AOAH: variants seen among roughly 807,000 people sequenced by gnomAD.
AOAH encodes the protein acyloxyacyl hydrolase.
Under a neutral mutation model 92.2 loss-of-function variants are expected in AOAH, and 64 were observed. That is an observed-to-expected ratio of 0.69 (90% CI 0.57 to 0.86). AOAH has a LOEUF of 0.86. AOAH is among the 40% of genes least tolerant of loss of function. The probability of loss-of-function intolerance (pLI) is 0.00; values close to 1 mark genes in which losing one functional copy is unlikely to be tolerated. For synonymous variants in AOAH, 263 were observed against 254.5 expected, an observed-to-expected ratio of 1.03 and a Z score of -0.32; for missense variants, 656 against 694.6, an observed-to-expected ratio of 0.94 and a Z score of 0.62.
intron 6 of AOAH, among the ~76,000 whole-genome samples, chr7:36,623,464 T>G (rs975527355): frequency 1.3e-5 from 2 of 152,208 alleles, no homozygotes; most frequent in African/African-American, 2.4e-5. Context: ...GTTTTCTGTC[T>G]GATATTAACT....
chr7:36,686,400 A>G (rs1385276251), intron 2 of AOAH, among the ~76,000 whole-genome samples: 1 of 152,236 alleles, frequency 6.6e-6, no homozygotes, highest in Non-Finnish European at 1.5e-5. Context: ...ATGATCAGTA[A>G]GTAGGCAAAT....
intron 6 of AOAH, among the ~76,000 whole-genome samples, chr7:36,627,731 G>A (rs1440220203): frequency 5.3e-5 from 8 of 152,022 alleles, no homozygotes; most frequent in African/African-American, 1.7e-4. Context: ...CTGGCCACAC[G>A]ACATTCTATT....
At chr7:36,598,130 G>A (rs536839323) in intron 11 of AOAH, 45 of 152,232 alleles carry the variant, frequency 3.0e-4, no homozygotes, top group African/African-American at 9.2e-4. Flanking sequence ...AGTTCTCTGT[G>A]GATTAATCTG....
At chr7:36,701,633 T>C (rs1000408530) in intron 1 of AOAH, among the ~76,000 whole-genome samples, 3 of 151,898 alleles carry the variant, frequency 2.0e-5, no homozygotes, top group Admixed American at 2.0e-4. Flanking sequence ...TTACAGTTAC[T>C]ATTTTTATGA....
intron 15 of AOAH, among the ~76,000 whole-genome samples, chr7:36,544,436 T>C (rs1416021972): frequency 6.6e-6 from 1 of 152,082 alleles, no homozygotes; most frequent in Non-Finnish European, 1.5e-5. Context: ...TCAACCCAGG[T>C]GTCCCAGGCA....
Position 36,614,278 on chromosome 7 carries a change from G to A in AOAH, c.846+2102C>T, listed in dbSNP as rs1209418728. 6.6e-6 allele frequency among the ~76,000 whole-genome samples: 1 copy of A among 152,174 alleles called. No individual in the cohort carries two copies. Among genetic ancestry groups the A allele is most frequent in the East Asian group, 1.9e-4 (1 of 5,190 alleles). On this transcript the variant is annotated intron_variant, in intron 11 of 20. Transcript: ENST00000617537. The surrounding 1 kb of genome is among the most constrained non-coding windows in gnomAD (Gnocchi z 4.2). ...TGTTGTTTGATAGGTCCATCCAGAA[G>A]TAATGGCTGTGAGCTGCTATTCCCT...
rs59648829 is a variant in AOAH at position 36,596,097 on chromosome 7, C to T, written c.847-1667G>A. Reference sequence around the variant, plus strand: ...AGTATGTCATTGTTCTTTCTTATTGCAAGGTAGTACATGGGTTTGTTTTAG... The same window carrying T: ...AGTATGTCATTGTTCTTTCTTATTGTAAGGTAGTACATGGGTTTGTTTTAG... On this transcript the variant is annotated intron_variant, in intron 11 of 20. Transcript: ENST00000617537. Among the ~76,000 whole-genome samples, 1,177 of 152,138 alleles carry T rather than the reference C, an allele frequency of 7.7e-3. 18 individuals carry two copies. The highest frequency in any genetic ancestry group is 0.026 in the African/African-American group (1,084 of 41,462).
Position 36,686,697 on chromosome 7 carries a change from AC to A in AOAH, c.223+1del. 1 of 1,518,792 alleles carries A rather than the reference AC, an allele frequency of 6.6e-7. No individual in the cohort carries two copies. The highest frequency in any genetic ancestry group is 8.8e-7 in the Non-Finnish European group (1 of 1,131,320). 94.1% of individuals were successfully genotyped at this position (1,518,792 alleles called of 1,614,324 possible). Reference sequence around the variant, plus strand: ...CAGCAGTATGACTCGTCCCATATTTACCAGGCAGGTAGCTGCACAGTCTCTC... The same window carrying A: ...CAGCAGTATGACTCGTCCCATATTTACAGGCAGGTAGCTGCACAGTCTCTC... On this transcript the variant is annotated splice_donor_variant, in intron 2 of 20. Coordinates refer to ENST00000617537, the MANE Select transcript of AOAH (RefSeq NM_001637.4). LOFTEE classifies it high-confidence loss of function.
chr7:36,548,574 C>A lies in AOAH; in HGVS notation c.1133+38G>T, dbSNP rs762547972. The stretch of plus-strand genomic sequence containing the variant: ...GGAGAGGGTGGGGAAGAGCCCAGAG[C>A]CAAAGAATCTTGAAAATACTTTTTC... On this transcript the variant is annotated intron_variant, in intron 15 of 20. Coordinates refer to ENST00000617537, the MANE Select transcript of AOAH (RefSeq NM_001637.4). The A allele has an allele frequency of 1.0e-5, 16 of 1,568,596 alleles. No individual in the cohort carries two copies. The South Asian group carries it at 1.7e-4, about 16-fold the overall frequency.
intron 13 of AOAH, among the ~76,000 whole-genome samples, chr7:36,556,897 T>G (rs201458644): frequency 0.047 from 4,725 of 101,568 alleles, no homozygotes; most frequent in Admixed American, 0.055. Flanking sequence ...TGAGATGGGT[T>G]TCCTGAATAC....
Position 36,673,926 on chromosome 7 carries a change from T to C in AOAH, c.290+17A>G. On this transcript the variant is annotated intron_variant, in intron 3 of 20. Transcript: ENST00000617537. ...TCCCAGCAATGGAATCAGAGTTATG[T>C]GTCATGGCATACTCACAGTTTTATG... is the stretch of plus-strand genomic sequence containing the variant. 1 of 1,578,014 alleles carries C rather than the reference T, an allele frequency of 6.3e-7. No individual in the cohort carries two copies. The highest frequency in any genetic ancestry group is 8.7e-7 in the Non-Finnish European group (1 of 1,149,752).
At chr7:36,644,331 CT>C (rs919548738) in intron 4 of AOAH, among the ~76,000 whole-genome samples, 70 of 146,632 alleles carry the variant, frequency 4.8e-4, no homozygotes, top group East Asian at 5.9e-4. Context: ...AAACGGTGTG[CT>C]TTTTTTTTTT....
At chr7:36,699,430 T>C (rs906788708) in intron 1 of AOAH, among the ~76,000 whole-genome samples, 2 of 152,078 alleles carry the variant, frequency 1.3e-5, no homozygotes, top group African/African-American at 4.8e-5. Flanking sequence ...CCAACAAGGA[T>C]TCCCCTTTCT....
intron 3 of AOAH, among the ~76,000 whole-genome samples, chr7:36,672,792 T>C (rs562500130): frequency 7.2e-5 from 11 of 151,878 alleles, no homozygotes; most frequent in Non-Finnish European, 1.5e-4. Context: ...TAAAAAAAAA[T>C]AGAATGTTCC....
intron 13 of AOAH, among the ~76,000 whole-genome samples, chr7:36,553,382 A>G (rs1293741103): frequency 6.6e-6 from 1 of 151,594 alleles, no homozygotes; most frequent in African/African-American, 2.4e-5. Context: ...AATCCAGTCT[A>G]TCATTGTTGG....
chr7:36,704,983 G>A (rs1798296840), intron 1 of AOAH, among the ~76,000 whole-genome samples: 1 of 152,110 alleles, frequency 6.6e-6, no homozygotes, highest in East Asian at 1.9e-4. Context: ...AGGTATTGAT[G>A]GAGCATATAT....
chr7:36,515,710 C>A (rs1265706052), intron 20 of AOAH, among the ~76,000 whole-genome samples: 6 of 123,586 alleles, frequency 4.9e-5, no homozygotes, highest in Non-Finnish European at 8.5e-5. Flanking sequence ...CACACCCCCC[C>A]ACACACCACA....
At chr7:36,668,019 G>A (rs978065347) in intron 3 of AOAH, among the ~76,000 whole-genome samples, 1 of 152,170 alleles carries the variant, frequency 6.6e-6, no homozygotes, top group African/African-American at 2.4e-5. Flanking sequence ...CTGTTTCTTA[G>A]TTGGTGCATT....
intron 12 of AOAH, among the ~76,000 whole-genome samples, chr7:36,580,065 T>A (rs1175414057): frequency 6.6e-6 from 1 of 152,242 alleles, no homozygotes; most frequent in Admixed American, 6.5e-5. Flanking sequence ...AATGTTATGA[T>A]GGCAGTCTTG....
Sources: gnomAD v4.1 joint callset for allele counts (sites outside exome capture counted in the v4.1 genomes callset) on GRCh38, gnomAD v4.1.1 for gene constraint, Gnocchi (gnomAD v3.1) non-coding constraint, MANE v1.5 for transcripts, NCBI Gene and HGNC (gene_info 2026-07-23, HGNC 2026-07-21) for gene names.